The following LUZP1 variants were observed in gnomAD, a reference collection of about 807,000 sequenced individuals.
The protein encoded by LUZP1 is leucine zipper protein 1.
In LUZP1, 25 loss-of-function variants were observed where a neutral mutation model predicts 71.3. That is an observed-to-expected ratio of 0.35 (90% CI 0.26 to 0.49). The LOEUF is 0.49. Ranked by LOEUF, LUZP1 falls within the 20% of genes least tolerant of loss-of-function variation. The pLI is 0.99. For missense variants in LUZP1, 1,142 were observed against 1,300.8 expected (o/e 0.88, Z 1.88); for synonymous variants, 481 against 506.4 (o/e 0.95, Z 0.67).
At chr1:23,152,016 A>AC (rs1486354856) in intron 2 of LUZP1, among the ~76,000 whole-genome samples, 1 of 151,812 alleles carries the variant, frequency 6.6e-6, no homozygotes, top group East Asian at 1.9e-4. Context: ...AAAAAAAAAA[A>AC]AGAAAAGAAA....
At chr1:23,159,704 G>A (rs947939864) in intron 2 of LUZP1, among the ~76,000 whole-genome samples, 4 of 152,214 alleles carry the variant, frequency 2.6e-5, no homozygotes, top group Admixed American at 6.5e-5. Flanking sequence ...TCAGTATCAC[G>A]CCAGACGCGG....
intron 2 of LUZP1, among the ~76,000 whole-genome samples, chr1:23,124,646 C>CA (rs1644157066): frequency 6.6e-6 from 1 of 152,034 alleles, no homozygotes; most frequent in Non-Finnish European, 1.5e-5. Context: ...CAGGTGAAGT[C>CA]AAAAACAATC....
intron 2 of LUZP1, among the ~76,000 whole-genome samples, chr1:23,155,975 T>A (rs1644418179): frequency 6.6e-6 from 1 of 152,182 alleles, no homozygotes; most frequent in Admixed American, 6.5e-5. Flanking sequence ...CCAGTTAACT[T>A]GAAACTAGAT....
chr1:23,115,548 CT>C (rs1052412059), intron 2 of LUZP1, among the ~76,000 whole-genome samples: 2 of 151,272 alleles, frequency 1.3e-5, no homozygotes, highest in African/African-American at 2.4e-5. Flanking sequence ...GCTACTTCCT[CT>C]TTTTTTTTGG....
chr1:23,127,860 TG>T (rs1193534419), intron 2 of LUZP1, among the ~76,000 whole-genome samples: 1 of 151,412 alleles, frequency 6.6e-6, no homozygotes, highest in Non-Finnish European at 1.5e-5. Context: ...TGGCCGGGCG[TG>T]GTGGCTCATG....
chr1:23,097,607 T>C (rs1643900042), intron 3 of LUZP1, among the ~76,000 whole-genome samples: 1 of 152,094 alleles, frequency 6.6e-6, no homozygotes, highest in Admixed American at 6.6e-5. Flanking sequence ...TCCCAGCACT[T>C]TGAGAAGCTG....
exon 5 of LUZP1, chr1:23,086,155 C>T (rs1008905363): frequency 1.3e-5 from 2 of 152,358 alleles, no homozygotes; most frequent in Non-Finnish European, 2.9e-5. Flanking sequence ...AACAGTCACA[C>T]CTCAGTTGCT....
At chr1:23,144,160 G>A (rs1315436342) in intron 2 of LUZP1, among the ~76,000 whole-genome samples, 1 of 152,136 alleles carries the variant, frequency 6.6e-6, no homozygotes, top group Admixed American at 6.5e-5. Flanking sequence ...CCCAACACAA[G>A]GTGACTTCTC....
intron 3 of LUZP1, among the ~76,000 whole-genome samples, chr1:23,102,220 G>C (rs975259345): frequency 6.6e-6 from 1 of 152,108 alleles, no homozygotes; most frequent in African/African-American, 2.4e-5. Context: ...ATTAGTACCT[G>C]GCTCAGTTCT....
chr1:23,115,403 G>A (rs917918233), intron 2 of LUZP1, among the ~76,000 whole-genome samples: 1 of 152,206 alleles, frequency 6.6e-6, no homozygotes, highest in African/African-American at 2.4e-5. Flanking sequence ...CCAAAGAAGA[G>A]TATAAACAAG....
At chr1:23,141,913 C>T (rs527960925) in intron 2 of LUZP1, among the ~76,000 whole-genome samples, 3 of 151,446 alleles carry the variant, frequency 2.0e-5, no homozygotes, top group East Asian at 2.0e-4. Flanking sequence ...GCGCCATCTC[C>T]GGCTCACTGC....
At chr1:23,120,438 T>C (rs950637035) in intron 2 of LUZP1, among the ~76,000 whole-genome samples, 1 of 151,902 alleles carries the variant, frequency 6.6e-6, no homozygotes, top group East Asian at 1.9e-4. Flanking sequence ...CATGGCTTAA[T>C]GCAGCCTTAA....
At chr1:23,095,539 G>A (rs1643887738) in intron 3 of LUZP1, among the ~76,000 whole-genome samples, 1 of 152,274 alleles carries the variant, frequency 6.6e-6, no homozygotes, top group East Asian at 1.9e-4. Context: ...CAGAACCAAG[G>A]AGTTTGGGTT....
At position 23,102,523 on chromosome 1, in the gene LUZP1, G is replaced by T. The variant is rs185584987; in HGVS notation, c.-120+6499C>A. ...ACACATAAGTATGCAAACTTAGTTTGAGAGTAAATATTTTAGGCTTTATAG... is the reference window on the plus strand; with the variant it reads ...ACACATAAGTATGCAAACTTAGTTTTAGAGTAAATATTTTAGGCTTTATAG... On this transcript the variant is annotated intron_variant, in intron 3 of 4. Coordinates refer to ENST00000302291, the Ensembl canonical transcript of LUZP1. Among the ~76,000 whole-genome samples, 4 of 152,314 alleles carry T rather than the reference G, an allele frequency of 2.6e-5. No homozygotes were observed. In the East Asian group the frequency reaches 7.7e-4, roughly 29 times the overall value.
chr1:23,120,717 C>A (rs930750297), intron 2 of LUZP1, among the ~76,000 whole-genome samples: 5 of 152,162 alleles, frequency 3.3e-5, no homozygotes, highest in South Asian at 2.1e-4. Context: ...TCCATACTCT[C>A]AATCCTTAAT....
In LUZP1 at chr1:23,094,032, C is replaced by G. The variant is rs779652593; in HGVS notation, c.230G>C (p.Gly77Ala). 6.2e-7 allele frequency: 1 copy of G among 1,614,198 alleles called. No individual in the cohort carries two copies. Among genetic ancestry groups the G allele is most frequent in the Non-Finnish European group, 8.5e-7 (1 of 1,180,038 alleles). Residue 77 changes from glycine (G) to alanine (A), a missense_variant, in exon 4 of 5, where the codon GGC becomes GCC. By Grantham distance (60) the Gly-to-Ala change is moderately conservative. Transcript: ENST00000302291. The surrounding 1 kb of genome is among the most constrained non-coding windows in gnomAD (Gnocchi z 4.7). ...TGCTCTCTTAATTTCCTCGTCTTTG[C>G]CTTCAATTCTCAGCACCCGCTGGCG...
intron 2 of LUZP1, among the ~76,000 whole-genome samples, chr1:23,110,635 T>TACACACAC (rs1553137224): frequency 4.5e-4 from 19 of 41,926 alleles, no homozygotes; most frequent in African/African-American, 9.3e-4. Context: ...CGCGCACACA[T>TACACACAC]ACACACACAC....
intron 2 of LUZP1, among the ~76,000 whole-genome samples, chr1:23,122,901 C>A (rs1644141439): frequency 6.6e-6 from 1 of 152,180 alleles, no homozygotes; most frequent in Non-Finnish European, 1.5e-5. Flanking sequence ...AGCAATCGTG[C>A]AGAACTTCTA....
At chr1:23,140,865 C>T (rs1169869149) in intron 2 of LUZP1, 2 of 152,330 alleles carry the variant, frequency 1.3e-5, no homozygotes, top group Admixed American at 6.5e-5. Flanking sequence ...GGAGCTCAGA[C>T]CATCTCCAAC....
Sources: allele counts gnomAD v4.1 joint callset (sites outside exome capture counted in the v4.1 genomes callset), GRCh38; gene constraint gnomAD v4.1.1; non-coding constraint Gnocchi (gnomAD v3.1); transcripts MANE v1.5; gene names NCBI Gene and HGNC (gene_info 2026-07-23, HGNC 2026-07-21).